The following SAG variants were observed in gnomAD, a reference collection of about 807,000 sequenced individuals.
SAG encodes S-antigen visual arrestin.
Under a neutral mutation model 55.0 loss-of-function variants are expected in SAG, and 45 were observed. That is an observed-to-expected ratio of 0.82 (90% CI 0.64 to 1.05). SAG has a LOEUF of 1.05. Ranked by LOEUF, SAG falls within the 50% of genes least tolerant of loss-of-function variation. The probability of loss-of-function intolerance (pLI) is 0.00; values close to 1 mark genes in which losing one functional copy is unlikely to be tolerated. For missense variants in SAG, 455 were observed against 512.1 expected (o/e 0.89, Z 1.08); for synonymous variants, 189 against 197.4 (o/e 0.96, Z 0.36).
chr2:233,346,538 C>G (rs550772443), intron 15 of SAG, 126 bp downstream of exon 15: 1 of 1,026,182 alleles, frequency 9.7e-7, no homozygotes, highest in Non-Finnish European at 1.5e-6. Context: ...GAGGCACATC[C>G]GCTACTTCCC....
At chr2:233,342,029 T>C (rs1455988775) in intron 13 of SAG, among the ~76,000 whole-genome samples, 1 of 150,328 alleles carries the variant, frequency 6.7e-6, no homozygotes, top group Non-Finnish European at 1.5e-5. Context: ...GAGGCTGAGA[T>C]AGGAGAATTG....
intron 2 of SAG, among the ~76,000 whole-genome samples, chr2:233,314,284 G>A (rs1363478636): frequency 6.6e-6 from 1 of 152,046 alleles, no homozygotes; most frequent in Non-Finnish European, 1.5e-5. Context: ...GAGCAGCTGG[G>A]TGCTGGCACC....
chr2:233,329,537 CAATAACACAG>C lies in SAG; in HGVS notation c.695_704del (p.Asn232ArgfsTer4), dbSNP rs759639806. On this transcript the variant is annotated frameshift_variant, in exon 9 of 16. Transcript: ENST00000409110. LOFTEE classifies it high-confidence loss of function. Reference sequence around the variant, plus strand: ...CCATCCCTGTGACCGTGACTGTCACCAATAACACAGAGAAGACCGTGAAGAAGATTAAAGC... The same window carrying C: ...CCATCCCTGTGACCGTGACTGTCACCAGAAGACCGTGAAGAAGATTAAAGC... 1.2e-6 allele frequency: 2 copies of C among 1,613,366 alleles called. No individual in the cohort carries two copies.
chr2:233,327,294 T>C (rs1700591809), intron 7 of SAG, 97 bp downstream of exon 7: 2 of 969,390 alleles, frequency 2.1e-6, no homozygotes, highest in Non-Finnish European at 3.3e-6. Context: ...CCTCTTCCCA[T>C]AGGGCTGGCA....
Position 233,340,183 on chromosome 2 carries a change from A to C in SAG, c.1023-272A>C, listed in dbSNP as rs1701055267. Among the ~76,000 whole-genome samples the C allele has an allele frequency of 1.3e-5, 2 of 149,128 alleles. No homozygotes were observed. Among genetic ancestry groups the C allele is most frequent in the African/African-American group, 2.5e-5 (1 of 40,248 alleles). On this transcript the variant is annotated intron_variant, in intron 12 of 15. Transcript: ENST00000409110. This position sits in a 1 kb window ranked among gnomAD's most constrained non-coding sequence, Gnocchi z 4.2. ...CGTTGGTCAGGCTGGTCTGGAACTC[A>C]TGACCTCAAGTGATCCGCCCACCTC...
Position 233,320,687 on chromosome 2 carries a change from G to A in SAG, c.239G>A (p.Gly80Asp). The A allele has an allele frequency of 6.2e-7, 1 of 1,606,496 alleles. No homozygotes were observed. Among genetic ancestry groups the A allele is most frequent in the Non-Finnish European group, 8.5e-7 (1 of 1,176,626 alleles). The change falls in exon 5 of 16, where the codon GGC becomes GAC. Residue 80 changes from glycine (G) to aspartate (D), a missense_variant. Coordinates refer to ENST00000409110, the MANE Select transcript of SAG (RefSeq NM_000541.5). ...RYGQEDIDVI[G>D]LTFRRDLYFS... is the part of the protein sequence containing the mutation. ...GGCCAAGAGGACATTGACGTGATCG[G>A]CTTGACCTTCCGCAGGGACCTGTAC...
At position 233,320,743 on chromosome 2, in the gene SAG, G is replaced by A. The variant is rs369568158; in HGVS notation, c.295G>A (p.Gly99Arg). The A allele has an allele frequency of 1.2e-5, 20 of 1,606,156 alleles. No individual in the cohort carries two copies. Among genetic ancestry groups the A allele is most frequent in the Non-Finnish European group, 1.7e-5 (20 of 1,176,510 alleles). ...CCGGGTCCAGGTGTATCCTCCTGTG[G>A]GGGCCGCGAGCACCCCCACAAAACT... ...FSRVQVYPPV[G>R]AASTPTKLQE... Residue 99 changes from glycine to arginine, a missense_variant, in exon 5 of 16, where the codon GGG becomes AGG. Gly to Arg is a moderately radical substitution (Grantham distance 125). Transcript: ENST00000409110.
chr2:233,346,525 C>T (rs193297773), intron 15 of SAG, 113 bp downstream of exon 15: 107 of 1,157,420 alleles, frequency 9.2e-5, no homozygotes, highest in Middle Eastern at 5.8e-4. Context: ...CCTGCCGGCT[C>T]AGGAGGCACA....
At chr2:233,335,848 C>A (rs1230487837) in intron 11 of SAG, among the ~76,000 whole-genome samples, 1 of 152,218 alleles carries the variant, frequency 6.6e-6, no homozygotes, top group Admixed American at 6.5e-5. Flanking sequence ...CTCACTGCCA[C>A]CTCCCCATGT....
At chr2:233,322,491 G>A (rs1021697076) in intron 5 of SAG, among the ~76,000 whole-genome samples, 2 of 152,130 alleles carry the variant, frequency 1.3e-5, no homozygotes, top group Non-Finnish European at 1.5e-5. Flanking sequence ...TCTGTAAAAC[G>A]TCTTCTCACA....
chr2:233,328,436 C>A, intron 7 of SAG, 42 bp from the exon 8 acceptor site: 1 of 1,598,030 alleles, frequency 6.3e-7, no homozygotes, highest in African/African-American at 1.3e-5. Flanking sequence ...CTAAAGCGGC[C>A]TGGGTGCCAA....
At chr2:233,316,315 A>AT (rs1700216289) in intron 3 of SAG, among the ~76,000 whole-genome samples, 180 bp downstream of exon 3, 1 of 151,734 alleles carries the variant, frequency 6.6e-6, no homozygotes, top group Admixed American at 6.6e-5. Flanking sequence ...TTTTATTTTT[A>AT]TTTTTATTTT....
Position 233,327,150 on chromosome 2 carries a change from A to G in SAG, c.465A>G (p.Ala155=), listed in dbSNP as rs373440920. ...KSCGVDFEVK[A]FATDSTDAEE... ...GTGGGGTTGACTTTGAGGTCAAAGC[A>G]TTCGCCACAGACAGCACCGATGCCG... The change falls in exon 7 of 16, where the codon GCA becomes GCG. Residue 155 remains alanine, a synonymous_variant. Transcript: ENST00000409110. 1.2e-6 allele frequency: 2 copies of G among 1,613,760 alleles called. No individual in the cohort carries two copies. The highest frequency in any genetic ancestry group is 1.7e-6 in the Non-Finnish European group (2 of 1,179,810).
At chr2:233,318,853 G>A in intron 4 of SAG, 58 bp downstream of exon 4, 1 of 1,483,912 alleles carries the variant, frequency 6.7e-7, no homozygotes, top group Non-Finnish European at 9.4e-7. Context: ...TGCTCTCTGG[G>A]CGGCTCTGGG....
At chr2:233,322,458 C>T (rs1376698262) in intron 5 of SAG, among the ~76,000 whole-genome samples, 4 of 152,162 alleles carry the variant, frequency 2.6e-5, no homozygotes, top group African/African-American at 7.2e-5. Flanking sequence ...GACTACAGAA[C>T]GTGATCATCA....
chr2:233,327,799 C>G (rs1300623317), intron 7 of SAG: 1 of 152,630 alleles, frequency 6.6e-6, no homozygotes, highest in African/African-American at 2.4e-5. Flanking sequence ...ATCCGCCCGC[C>G]TTGGCCTCCC....
At chr2:233,331,816 G>A (rs1260930864) in intron 10 of SAG, 104 bp downstream of exon 10, 9 of 835,920 alleles carry the variant, frequency 1.1e-5, no homozygotes, top group Admixed American at 2.0e-5. Flanking sequence ...CAGCTAGCTC[G>A]CCAGCCTTCC....
At chr2:233,327,341 A>C in intron 7 of SAG, 144 bp downstream of exon 7, 2 of 595,768 alleles carry the variant, frequency 3.4e-6, no homozygotes. Context: ...ATGGAGGTCA[A>C]AGGTTGATCA....
rs149745559 is a variant in SAG at position 233,309,895 on chromosome 2, C to T, written c.75+631C>T. The stretch of plus-strand genomic sequence containing the variant: ...GAACCCTTGACTTACTATTTAAACA[C>T]AGTTTTGTCAGTACCTGTGATGCCC... On this transcript the variant is annotated intron_variant, in intron 2 of 15. Coordinates refer to ENST00000409110, the MANE Select transcript of SAG (RefSeq NM_000541.5). Among the ~76,000 whole-genome samples the T allele has an allele frequency of 2.2e-3, 332 of 152,326 alleles. 1 individual carries two copies. The highest frequency in any genetic ancestry group is 7.8e-3 in the African/African-American group (326 of 41,574).
Sources: gnomAD v4.1 joint callset for allele counts (sites outside exome capture counted in the v4.1 genomes callset) on GRCh38, gnomAD v4.1.1 for gene constraint, Gnocchi (gnomAD v3.1) non-coding constraint, MANE v1.5 for transcripts, NCBI Gene and HGNC (gene_info 2026-07-23, HGNC 2026-07-21) for gene names.